Variants in MPDZ observed in about 807,000 individuals in gnomAD.
MPDZ encodes the protein multiple PDZ domain protein.
In MPDZ, 234 loss-of-function variants were observed where a neutral mutation model predicts 239.1. The ratio of observed to expected loss-of-function variants is 0.98; its 90% confidence interval spans 0.88 to 1.09. The LOEUF is 1.09. Among genes scored for constraint, MPDZ ranks in the 50% least tolerant of loss-of-function variants. The pLI, the probability that MPDZ is intolerant of heterozygous loss-of-function variation, is 0.00. For missense variants in MPDZ, 3,175 were observed against 2,510.0 expected (o/e 1.26, Z -5.66); for synonymous variants, 1,048 against 881.3 (o/e 1.19, Z -3.35).
intron 8 of MPDZ, among the ~76,000 whole-genome samples, chr9:13,218,562 C>T (rs1251075545): frequency 6.6e-6 from 1 of 151,778 alleles, no homozygotes; most frequent in South Asian, 2.1e-4. Flanking sequence ...CAAAAAATAG[C>T]AACCAAATTC....
intron 18 of MPDZ, among the ~76,000 whole-genome samples, chr9:13,184,202 GAGAT>G (rs1007127659): frequency 7.9e-5 from 12 of 152,096 alleles, no homozygotes; most frequent in African/African-American, 2.6e-4. Context: ...CATAAAGAGT[GAGAT>G]AGAGAATTTC....
At chr9:13,211,828 T>A (rs1318006159) in intron 10 of MPDZ, among the ~76,000 whole-genome samples, 1 of 152,128 alleles carries the variant, frequency 6.6e-6, no homozygotes, top group African/African-American at 2.4e-5. Context: ...ATACATAGAA[T>A]TTTTCTAAAT....
intron 1 of MPDZ, among the ~76,000 whole-genome samples, chr9:13,251,755 G>A (rs144422420): frequency 7.8e-4 from 119 of 152,328 alleles, no homozygotes; most frequent in African/African-American, 2.7e-3. Flanking sequence ...TGATAAGAGA[G>A]AACAGTACGT....
intron 38 of MPDZ, 96 bp from the exon 39 acceptor site, chr9:13,119,745 TG>T: frequency 6.9e-7 from 1 of 1,442,296 alleles, no homozygotes; most frequent in East Asian, 2.3e-5. Flanking sequence ...AATTTTTACT[TG>T]TTTTTATGAC....
intron 21 of MPDZ, among the ~76,000 whole-genome samples, chr9:13,169,281 A>G (rs1158920794): frequency 6.6e-6 from 1 of 152,112 alleles, no homozygotes; most frequent in Non-Finnish European, 1.5e-5. Context: ...TCTCACAGGA[A>G]ATGCAATCTT....
Position 13,158,128 on chromosome 9 carries a change from C to A in MPDZ, c.3360-18G>T, listed in dbSNP as rs1209075578. The A allele has an allele frequency of 6.3e-7, 1 of 1,590,596 alleles. No homozygotes were observed. The highest frequency in any genetic ancestry group is 8.6e-7 in the Non-Finnish European group (1 of 1,159,940). On this transcript the variant is annotated intron_variant, in intron 23 of 46. Transcript: ENST00000319217. ...GAATGTCTCTGGTTAAAGAATTACA[C>A]AATGAGTACCCCAAAATCCTAGTAA...
At position 13,109,071 on chromosome 9, in the gene MPDZ, G is replaced by A; in HGVS notation, c.5943-12C>T. 1 of 1,371,044 alleles carries A rather than the reference G, an allele frequency of 7.3e-7. No homozygotes were observed. The highest frequency in any genetic ancestry group is 9.5e-7 in the Non-Finnish European group (1 of 1,057,396). The allele number at this position is 1,371,044 out of a possible 1,614,324, so 84.9% of individuals were successfully genotyped here. A position where few individuals can be genotyped will look rare whatever the true frequency, so the allele number is the denominator to read the frequency against. ...TACATTGAGGAGGTCTACGGTGAAG[G>A]AAAGGAAAAAGAGGTTTTAAATTAA... On this transcript the variant is annotated splice_polypyrimidine_tract_variant and intron_variant, in intron 45 of 46. Transcript: ENST00000319217.
intron 3 of MPDZ, among the ~76,000 whole-genome samples, chr9:13,230,962 AT>A (rs1339210905): frequency 6.6e-6 from 1 of 152,182 alleles, no homozygotes; most frequent in Non-Finnish European, 1.5e-5. Context: ...AAAAGCTAAA[AT>A]AAAACAGAAA....
intron 43 of MPDZ, among the ~76,000 whole-genome samples, chr9:13,111,755 T>C (rs1942510359): frequency 6.6e-6 from 1 of 152,242 alleles, no homozygotes; most frequent in East Asian, 1.9e-4. Context: ...TGTTCTCTTT[T>C]AGCTTGTTCC....
At chr9:13,157,769 A>T (rs1325324912) in intron 24 of MPDZ, among the ~76,000 whole-genome samples, 1 of 152,060 alleles carries the variant, frequency 6.6e-6, no homozygotes, top group African/African-American at 2.4e-5. Flanking sequence ...CATTCCAACT[A>T]CCTATGAATA....
intron 19 of MPDZ, among the ~76,000 whole-genome samples, chr9:13,177,800 C>A (rs531976775): frequency 6.6e-6 from 1 of 152,220 alleles, no homozygotes; most frequent in African/African-American, 2.4e-5. Context: ...TTTGGGAGGA[C>A]AGAGAGTATT....
chr9:13,217,804 T>C (rs553583378), intron 8 of MPDZ, among the ~76,000 whole-genome samples: 39 of 151,932 alleles, frequency 2.6e-4, no homozygotes, highest in African/African-American at 7.2e-4. Context: ...AACTCAGGAT[T>C]AAGACTCTAC....
At chr9:13,243,068 G>T (rs1374259954) in intron 3 of MPDZ, among the ~76,000 whole-genome samples, 1 of 152,074 alleles carries the variant, frequency 6.6e-6, no homozygotes, top group South Asian at 2.1e-4. Flanking sequence ...CATTTTTCAA[G>T]ACCCATTTTC....
chr9:13,182,136 G>A (rs753227411), intron 19 of MPDZ, among the ~76,000 whole-genome samples: 6 of 151,988 alleles, frequency 3.9e-5, no homozygotes, highest in African/African-American at 7.2e-5. Context: ...CTAGACCTAC[G>A]GAAATTCTAC....
At chr9:13,177,219 A>C (rs552741217) in intron 19 of MPDZ, among the ~76,000 whole-genome samples, 1 of 152,180 alleles carries the variant, frequency 6.6e-6, no homozygotes, top group African/African-American at 2.4e-5. Flanking sequence ...TTGAATAAAC[A>C]TATCAGTTTT....
chr9:13,247,605 G>T (rs1966841445), intron 3 of MPDZ, 30 bp downstream of exon 3: 1 of 1,588,100 alleles, frequency 6.3e-7, no homozygotes, highest in African/African-American at 1.3e-5. Flanking sequence ...GCCATGTCGT[G>T]AATGCCTGCT....
In MPDZ at chr9:13,123,177, G is replaced by A. The variant is rs766151010; in HGVS notation, c.4929C>T (p.Ile1643=). The A allele has an allele frequency of 8.2e-5, 133 of 1,612,538 alleles. No individual in the cohort carries two copies. Among genetic ancestry groups the A allele is most frequent in the Non-Finnish European group, 1.1e-4 (129 of 1,179,670 alleles). ...CCAGCAGCGTGTCTGAACCCCCAAC[G>A]ATGCTCAGGCCCAGCCCTGTTCGCC... ...SKGRTGLGLS[I]VGGSDTLLGA... Residue 1643 remains isoleucine, a synonymous_variant, in exon 36 of 47, where the codon ATC becomes ATT. Coordinates refer to ENST00000319217, the MANE Select transcript of MPDZ (RefSeq NM_001378778.1).
At chr9:13,171,757 C>T (rs1470934527) in intron 21 of MPDZ, among the ~76,000 whole-genome samples, 1 of 152,110 alleles carries the variant, frequency 6.6e-6, no homozygotes. Flanking sequence ...ATTATGACAG[C>T]CTTTACAGAA....
In MPDZ at chr9:13,195,291, A is replaced by C. The variant is rs113932965; in HGVS notation, c.1656+830T>G. 4.5e-3 allele frequency among the ~76,000 whole-genome samples: 688 copies of C among 152,248 alleles called. 3 individuals are homozygous for C. Among genetic ancestry groups the C allele is most frequent in the African/African-American group, 0.016 (645 of 41,534 alleles). Reference sequence around the variant, plus strand: ...TGACAGAGCGAGACCTTGTCTCAAAAAAACAAACAAACAAACAAAAAGATG... The same window carrying C: ...TGACAGAGCGAGACCTTGTCTCAAACAAACAAACAAACAAACAAAAAGATG... On this transcript the variant is annotated intron_variant, in intron 13 of 46. Transcript: ENST00000319217.
Sources: gnomAD v4.1 joint callset for allele counts (sites outside exome capture counted in the v4.1 genomes callset) on GRCh38, gnomAD v4.1.1 for gene constraint, MANE v1.5 for transcripts, NCBI Gene and HGNC (gene_info 2026-07-23, HGNC 2026-07-21) for gene names.